The following EZR variants were observed in gnomAD, a reference collection of about 807,000 sequenced individuals.
EZR encodes the protein cytovillin 2.
A neutral mutation model predicts 74.8 loss-of-function variants in EZR; 40 were observed. The ratio of observed to expected loss-of-function variants is 0.53; its 90% CI spans 0.42 to 0.70. The LOEUF is 0.70. Ranked by LOEUF, EZR falls within the 30% of genes least tolerant of loss-of-function variation. The pLI is 0.00. For synonymous variants in EZR, 341 were observed against 283.3 expected (o/e 1.20, Z -2.05); for missense variants, 678 against 755.8 (o/e 0.90, Z 1.21).
chr6:158,789,259 G>T, intron 3 of EZR, 29 bp downstream of exon 3: 4 of 1,550,894 alleles, frequency 2.6e-6, no homozygotes, highest in Admixed American at 3.6e-5. Flanking sequence ...TTTTGTAGGT[G>T]GAGTTAACTC....
intron 2 of EZR, among the ~76,000 whole-genome samples, chr6:158,806,195 A>G (rs749601519): frequency 1.3e-4 from 20 of 152,234 alleles, no homozygotes; most frequent in Middle Eastern, 3.2e-3. Flanking sequence ...GATGAGATCA[A>G]ATCAGTTACT....
intron 10 of EZR, 57 bp downstream of exon 10, chr6:158,770,707 T>C: frequency 6.2e-7 from 1 of 1,608,620 alleles, no homozygotes; most frequent in South Asian, 1.1e-5. Flanking sequence ...GTGTGGCCCC[T>C]GCTACTCTGT....
chr6:158,785,421 G>T lies in EZR; in HGVS notation c.355C>A (p.Pro119Thr). The T allele has an allele frequency of 6.2e-7, 1 of 1,614,182 alleles. No homozygotes were observed. The highest frequency in any genetic ancestry group is 8.5e-7 in the Non-Finnish European group (1 of 1,180,036). The change falls in exon 5 of 14, where the codon CCT (proline) becomes ACT (threonine). Residue 119 changes from proline (P) to threonine (T), a missense_variant. By Grantham distance (38) the Pro-to-Thr change is conservative. Transcript: ENST00000367075. ...GACCCCAAGAGCACGGCAGTCTCAG[G>T]GGGGCAGTAGATCTCATCGCTAAGG... The part of the protein sequence containing the change: ...GILSDEIYCP[P>T]ETAVLLGSYA...
At chr6:158,788,143 G>A (rs1049901452) in intron 3 of EZR, among the ~76,000 whole-genome samples, 2 of 152,180 alleles carry the variant, frequency 1.3e-5, no homozygotes, top group Non-Finnish European at 2.9e-5. Flanking sequence ...GCCAAAGAGG[G>A]TTGAATACAT....
chr6:158,787,196 T>A lies in EZR; in HGVS notation c.104A>T (p.Lys35Met). 1.2e-6 allele frequency: 2 copies of A among 1,612,632 alleles called. No homozygotes were observed. The highest frequency in any genetic ancestry group is 1.7e-6 in the Non-Finnish European group (2 of 1,178,824). ...TGKQLFDQVV[K>M]TIGLREVWYF... ...CCACACTTCCCGGAGGCCGATAGTC[T>A]TTACCACCTGCGTGAGAGAGAGAGA... Residue 35 changes from lysine to methionine, a missense_variant, in exon 4 of 14, where the codon AAG (lysine) becomes ATG (methionine). Lys to Met is a moderately conservative substitution (Grantham distance 95, BLOSUM62 -1). Coordinates refer to ENST00000367075, the MANE Select transcript of EZR (RefSeq NM_001111077.2).
Position 158,767,451 on chromosome 6 carries a change from GCTGTCATC to G in EZR, c.1398_1405del (p.Met467ThrfsTer23). The G allele has an allele frequency of 6.2e-7, 1 of 1,612,410 alleles. No homozygotes were observed. Among genetic ancestry groups the G allele is most frequent in the Non-Finnish European group, 8.5e-7 (1 of 1,178,852 alleles). On this transcript the variant is annotated frameshift_variant, in exon 13 of 14. Coordinates refer to ENST00000367075, the MANE Select transcript of EZR (RefSeq NM_001111077.2). LOFTEE classifies it high-confidence loss of function. ...CACGGGGGGTGGTGGGGGCGGGGGT[GCTGTCATC>G]ACCAGGTGCAGCTCCTCCTTGGTCT...
chr6:158,787,246 C>T (rs748227217), intron 3 of EZR, 43 bp from the exon 4 acceptor site: 9 of 1,534,326 alleles, frequency 5.9e-6, no homozygotes, highest in South Asian at 5.6e-5. Flanking sequence ...GAGAAACTCA[C>T]TCAAAAGGGC....
In EZR at chr6:158,766,807, C is replaced by A; in HGVS notation, c.*107G>T. 3 of 1,125,008 alleles carry A rather than the reference C, an allele frequency of 2.7e-6. No individual in the cohort carries two copies. Among genetic ancestry groups the A allele is most frequent in the Non-Finnish European group, 3.9e-6 (3 of 778,882 alleles). 69.7% of individuals were successfully genotyped at this position (1,125,008 alleles called of 1,614,324 possible). On this transcript the variant is annotated 3_prime_UTR_variant, in exon 14 of 14. Transcript: ENST00000367075. ...GTTGGGTAACTGCTTTCTAAAGGAA[C>A]TGGGATCTGAGGGAGTTCCTAGACT...
Position 158,818,168 on chromosome 6 carries a change from T to A in EZR, c.-73-2A>T. Reference sequence around the variant, plus strand: ...CAGCAGCGAAGACGCTGTCCCAACCTGGAGTCAGAGCAGAACCCTTAGAGC... The same window carrying A: ...CAGCAGCGAAGACGCTGTCCCAACCAGGAGTCAGAGCAGAACCCTTAGAGC... On this transcript the variant is annotated splice_acceptor_variant, in intron 1 of 13. Transcript: ENST00000367075. LOFTEE classifies it low-confidence loss of function (5UTR_SPLICE). 6.4e-7 allele frequency: 1 copy of A among 1,567,658 alleles called. No individual in the cohort carries two copies.
At chr6:158,804,860 C>A (rs1777299167) in intron 2 of EZR, among the ~76,000 whole-genome samples, 1 of 150,236 alleles carries the variant, frequency 6.7e-6, no homozygotes, top group South Asian at 2.1e-4. Flanking sequence ...TGCGCTGCAC[C>A]CACTAACTCG....
intron 8 of EZR, among the ~76,000 whole-genome samples, chr6:158,775,787 T>G (rs1344494596): frequency 6.6e-6 from 1 of 152,256 alleles, no homozygotes; most frequent in African/African-American, 2.4e-5. Flanking sequence ...GTCAGCAGAA[T>G]AAATAAAACC....
intron 8 of EZR, among the ~76,000 whole-genome samples, chr6:158,774,573 T>C (rs942561339): frequency 4.0e-5 from 6 of 151,616 alleles, no homozygotes; most frequent in African/African-American, 1.5e-4. Flanking sequence ...GAGGCTACTC[T>C]ATAATAAAGG....
chr6:158,779,240 G>A (rs1035628737), intron 7 of EZR, among the ~76,000 whole-genome samples: 3 of 152,190 alleles, frequency 2.0e-5, no homozygotes, highest in Admixed American at 6.5e-5. Flanking sequence ...AATCCAAGCT[G>A]AAGGGCTTTC....
chr6:158,788,534 C>T (rs1406286153), intron 3 of EZR: 2 of 152,010 alleles, frequency 1.3e-5, no homozygotes, highest in Non-Finnish European at 2.9e-5. Flanking sequence ...GTAATCCCAA[C>T]TATTCGGGGA....
At chr6:158,767,718 C>T (rs1459006203) in intron 12 of EZR, among the ~76,000 whole-genome samples, 12 of 152,168 alleles carry the variant, frequency 7.9e-5, no homozygotes, top group Admixed American at 4.6e-4. Context: ...ACTGTGATGC[C>T]GGAACCTGGG....
intron 2 of EZR, among the ~76,000 whole-genome samples, chr6:158,797,629 T>TA (rs1280254531): frequency 2.0e-5 from 3 of 152,232 alleles, no homozygotes; most frequent in Non-Finnish European, 4.4e-5. Context: ...TTCAAATACT[T>TA]AGAAATGCTC....
rs113290398 is a variant in EZR, at chr6:158,787,414, A to G, written c.97-211T>C. 5.3e-3 allele frequency among the ~76,000 whole-genome samples: 813 copies of G among 152,278 alleles called. 4 individuals are homozygous for G. The highest frequency in any genetic ancestry group is 0.019 in the African/African-American group (770 of 41,536). On this transcript the variant is annotated intron_variant, in intron 3 of 13. Transcript: ENST00000367075. ...TCAAAGCCATGAACGACTTATTTTT[A>G]ATATAAATTTGAGCAGATTCAGGGT...
chr6:158,769,214 C>T, intron 12 of EZR, 112 bp downstream of exon 12: 1 of 771,186 alleles, frequency 1.3e-6, no homozygotes, highest in Non-Finnish European at 2.1e-6. Context: ...TGGGATGTGG[C>T]AGCTTGAGCC....
intron 2 of EZR, among the ~76,000 whole-genome samples, chr6:158,806,074 A>G (rs1024568968): frequency 2.6e-5 from 4 of 152,242 alleles, no homozygotes; most frequent in Non-Finnish European, 4.4e-5. Flanking sequence ...AATAGTGGAA[A>G]AAACTGGGAA....
Sources: allele counts gnomAD v4.1 joint callset (sites outside exome capture counted in the v4.1 genomes callset), GRCh38; gene constraint gnomAD v4.1.1; transcripts MANE v1.5; gene names NCBI Gene and HGNC (gene_info 2026-07-23, HGNC 2026-07-21).